AMOTL2: variants seen among roughly 807,000 people sequenced by gnomAD.
AMOTL2 encodes angiomotin like 2, also known as angiomotin-like protein 2.
In AMOTL2, 33 loss-of-function variants were observed where a neutral mutation model predicts 78.4. The ratio of observed to expected loss-of-function variants is 0.42; its 90% CI spans 0.32 to 0.56. AMOTL2 has a LOEUF of 0.56. AMOTL2 is among the 20% of genes least tolerant of loss of function. AMOTL2 has a pLI of 0.12. For missense variants in AMOTL2, 983 were observed against 1,030.1 expected, an observed-to-expected ratio of 0.95 and a Z score of 0.63; for synonymous variants, 422 against 428.8, an observed-to-expected ratio of 0.98 and a Z score of 0.20.
At chr3:134,368,825 G>T (rs1018850637) in intron 2 of AMOTL2, among the ~76,000 whole-genome samples, 2 of 152,186 alleles carry the variant, frequency 1.3e-5, no homozygotes, top group African/African-American at 4.8e-5. Flanking sequence ...TCTGGCACTG[G>T]TGTAACATCA....
chr3:134,361,207 T>C (rs1576576040), intron 6 of AMOTL2, among the ~76,000 whole-genome samples: 1 of 149,766 alleles, frequency 6.7e-6, no homozygotes, highest in East Asian at 1.9e-4. Flanking sequence ...TATATCCAGG[T>C]TCCTGACTTA....
At chr3:134,364,424 A>G (rs2017520731) in intron 5 of AMOTL2, among the ~76,000 whole-genome samples, 1 of 151,920 alleles carries the variant, frequency 6.6e-6, no homozygotes, top group South Asian at 2.1e-4. Flanking sequence ...TTTCTTTGGC[A>G]GAGTCAGGCT....
Position 134,370,865 on chromosome 3 carries a change from T to C in AMOTL2, c.569A>G (p.Asn190Ser), listed in dbSNP as rs1330866350. 5 of 1,607,332 alleles carry C rather than the reference T, an allele frequency of 3.1e-6. No individual in the cohort carries two copies. The highest frequency in any genetic ancestry group is 4.3e-6 in the Non-Finnish European group (5 of 1,175,534). ...GCCCCTCAGTGGGGGGCCCTGCTGG[T>C]TGCGGGCCAGCTGTGGGAAGCTGTG... The part of the protein sequence containing the change: ...SSHSFPQLAR[N>S]QQGPPLRGPP... Residue 190 changes from asparagine (N) to serine (S), a missense_variant, in exon 2 of 10, where the codon AAC (asparagine) becomes AGC (serine). By Grantham distance (46) the Asn-to-Ser change is conservative (BLOSUM62 1). Coordinates refer to ENST00000249883, the MANE Select transcript of AMOTL2 (RefSeq NM_016201.4).
At chr3:134,373,981 G>A in intron 1 of AMOTL2, 1 of 386,994 alleles carries the variant, frequency 2.6e-6, no homozygotes, top group Non-Finnish European at 3.5e-6. Context: ...GCAGGACCCT[G>A]CAACTTGAGC....
chr3:134,359,250 T>G lies in AMOTL2; in HGVS notation c.2104+33A>C, dbSNP rs991142656. 1.9e-6 allele frequency: 3 copies of G among 1,606,582 alleles called. No homozygotes were observed. The African/African-American group carries it at 4.0e-5, about 21-fold the overall frequency. ...GTGTTCAGGCCCAGGAGAAATTACC[T>G]CTCAATCTATCCCAGCAGTAGCCTC... is the stretch of plus-strand genomic sequence containing the variant. On this transcript the variant is annotated intron_variant, in intron 8 of 9. Transcript: ENST00000249883.
In AMOTL2 at chr3:134,367,822, G is replaced by A. The variant is rs370253411; in HGVS notation, c.735-19C>T. 2.7e-4 allele frequency: 428 copies of A among 1,612,166 alleles called. 7 individuals carry two copies. The South Asian group carries it at 4.4e-3, about 16-fold the overall frequency. On this transcript the variant is annotated intron_variant, in intron 2 of 9. Coordinates refer to ENST00000249883, the MANE Select transcript of AMOTL2 (RefSeq NM_016201.4). Reference sequence around the variant, plus strand: ...CAGGATCCTGGGGAACAGAAGAGACGGTGCTCAGAGACAGCACAGACCCTC... The same window carrying A: ...CAGGATCCTGGGGAACAGAAGAGACAGTGCTCAGAGACAGCACAGACCCTC...
chr3:134,374,596 C>T (rs1476134424), upstream of AMOTL2: 7 of 985,370 alleles, frequency 7.1e-6, no homozygotes, highest in Non-Finnish European at 7.2e-6. Context: ...CGCCCTCCGC[C>T]TTCTCCCGCT....
At chr3:134,374,505 A>C (rs2018014746), upstream of AMOTL2, 1 of 985,494 alleles carries the variant, frequency 1.0e-6, no homozygotes, top group East Asian at 1.1e-4. Flanking sequence ...GGCGGCTGCT[A>C]TGCCAGGAAT....
At position 134,370,834 on chromosome 3, in the gene AMOTL2, AGGGGGGCCCCTCAGTG is replaced by A; in HGVS notation, c.584_599del (p.Pro195LeufsTer19). Reference sequence around the variant, plus strand: ...GTCCTCGGGACTCTGGGCCCTCAGCAGGGGGGCCCCTCAGTGGGGGGCCCTGCTGGTTGCGGGCCAG... The same window carrying A: ...GTCCTCGGGACTCTGGGCCCTCAGCAGGGGGCCCTGCTGGTTGCGGGCCAG... On this transcript the variant is annotated frameshift_variant, in exon 2 of 10. Transcript: ENST00000249883. LOFTEE classifies it high-confidence loss of function. 4 of 1,592,502 alleles carry A rather than the reference AGGGGGGCCCCTCAGTG, an allele frequency of 2.5e-6. No individual in the cohort carries two copies. Among genetic ancestry groups the A allele is most frequent in the South Asian group, 1.1e-5 (1 of 88,622 alleles).
At chr3:134,364,191 C>G (rs1163057164) in intron 5 of AMOTL2, among the ~76,000 whole-genome samples, 4 of 151,834 alleles carry the variant, frequency 2.6e-5, no homozygotes, top group Non-Finnish European at 5.9e-5. Flanking sequence ...CGCCAGGCAG[C>G]GCGCACGGGA....
At chr3:134,374,102 C>A (rs1338919017) in intron 1 of AMOTL2, 1 of 493,190 alleles carries the variant, frequency 2.0e-6, no homozygotes, top group Non-Finnish European at 2.6e-6. Context: ...TCTCCCCCAG[C>A]CCCAAGAGAC....
Position 134,366,686 on chromosome 3 carries a change from G to A in AMOTL2, c.1042-259C>T, listed in dbSNP as rs115659695. 3.8e-3 allele frequency: 1,490 copies of A among 390,748 alleles called. 15 individuals are homozygous for A. Among genetic ancestry groups the A allele is most frequent in the Middle Eastern group, 0.017 (24 of 1,436 alleles). 24.2% of individuals were successfully genotyped at this position (390,748 alleles called of 1,614,324 possible). On this transcript the variant is annotated intron_variant, in intron 3 of 9. Transcript: ENST00000249883. ...AGTGAACCCAGGGCCAGGTACTTTG[G>A]AAGTAGCTGCCTGCGGGGTGACTAA...
chr3:134,373,574 C>T (rs2017963110), intron 1 of AMOTL2: 1 of 985,400 alleles, frequency 1.0e-6, no homozygotes, highest in Non-Finnish European at 1.2e-6. Flanking sequence ...CAGCGCGCGT[C>T]TCCAGCCTTG....
At chr3:134,366,517 G>A (rs2017611760) in intron 3 of AMOTL2, 90 bp from the exon 4 acceptor site, 1 of 1,412,534 alleles carries the variant, frequency 7.1e-7, no homozygotes, top group Admixed American at 2.4e-5. Flanking sequence ...CAGAAAAGGT[G>A]ACAGATGAGA....
In AMOTL2 at chr3:134,366,038, C is replaced by G. The variant is rs1289295291; in HGVS notation, c.1187-129G>C. The G allele has an allele frequency of 3.6e-6, 4 of 1,105,856 alleles. No individual in the cohort carries two copies. The African/African-American group carries it at 4.7e-5, about 13-fold the overall frequency. The allele number at this position is 1,105,856 out of a possible 1,614,324, so 68.5% of individuals were successfully genotyped here. On this transcript the variant is annotated intron_variant, in intron 4 of 9. Coordinates refer to ENST00000249883, the MANE Select transcript of AMOTL2 (RefSeq NM_016201.4). ...ATGGGTTCATAAGGAAACCCCAGCT[C>G]AGCTCAGGGCCCCATGGGTGGGAGC...
chr3:134,355,918 T>A lies in AMOTL2; in HGVS notation c.*1787A>T, dbSNP rs1413948620. ...TTAATTAAAATACTGTTATACCCAG[T>A]GGAATGCGGCAGCAATCCTGGTACA... On this transcript the variant is annotated 3_prime_UTR_variant, in exon 10 of 10. Coordinates refer to ENST00000249883, the MANE Select transcript of AMOTL2 (RefSeq NM_016201.4). 1 of 152,628 alleles carries A rather than the reference T, an allele frequency of 6.6e-6. No homozygotes were observed. The highest frequency in any genetic ancestry group is 1.5e-5 in the Non-Finnish European group (1 of 68,042). The allele number at this position is 152,628 out of a possible 1,614,324, so 9.5% of individuals were successfully genotyped here.
intron 1 of AMOTL2, among the ~76,000 whole-genome samples, chr3:134,372,929 T>C (rs1405468001): frequency 3.3e-4 from 2 of 5,980 alleles, no homozygotes; most frequent in Non-Finnish European, 5.8e-4. Context: ...CCTGTGTGTA[T>C]GGGCAGGGGT....
chr3:134,369,443 G>T (rs1268527191), intron 2 of AMOTL2, among the ~76,000 whole-genome samples: 1 of 152,050 alleles, frequency 6.6e-6, no homozygotes, highest in Non-Finnish European at 1.5e-5. Flanking sequence ...CTACTTCCTT[G>T]CCGTGATTAC....
intron 5 of AMOTL2, 83 bp downstream of exon 5, chr3:134,365,734 G>C (rs1576581348): frequency 7.7e-7 from 1 of 1,294,628 alleles, no homozygotes; most frequent in East Asian, 2.3e-5. Context: ...CAAGGGGGAA[G>C]GCCAATCTTC....
Sources: gnomAD v4.1 joint callset for allele counts (sites outside exome capture counted in the v4.1 genomes callset) on GRCh38, gnomAD v4.1.1 for gene constraint, MANE v1.5 for transcripts, NCBI Gene and HGNC (gene_info 2026-07-23, HGNC 2026-07-21) for gene names.